GINS3: variants seen among roughly 807,000 people sequenced by gnomAD.
The protein encoded by GINS3 is DNA replication complex GINS protein PSF3.
GINS3 carries 18 observed loss-of-function variants against 20.0 expected under a neutral mutation model. The observed-to-expected ratio is 0.90, with a 90% CI of 0.62 to 1.33. GINS3 has a LOEUF of 1.33. Ranked by LOEUF, GINS3 falls within the 40% of genes most tolerant of loss-of-function variation. The pLI, the probability that GINS3 is intolerant of heterozygous loss-of-function variation, is 0.00. For synonymous variants in GINS3, 109 were observed against 107.0 expected, an observed-to-expected ratio of 1.02 and a Z score of -0.12; for missense variants, 254 against 273.6, an observed-to-expected ratio of 0.93 and a Z score of 0.51.
chr16:58,397,479 G>A (rs558791283), intron 1 of GINS3, among the ~76,000 whole-genome samples: 13 of 151,852 alleles, frequency 8.6e-5, no homozygotes, highest in Non-Finnish European at 1.6e-4. Flanking sequence ...AGGTTGTATC[G>A]AGCCGAGATC....
chr16:58,404,681 C>G lies in GINS3; in HGVS notation c.603C>G (p.Asn201Lys), dbSNP rs777727716. 1 of 1,614,088 alleles carries G rather than the reference C, an allele frequency of 6.2e-7. No individual in the cohort carries two copies. The highest frequency in any genetic ancestry group is 8.5e-7 in the Non-Finnish European group (1 of 1,180,012). Residue 201 changes from asparagine (N) to lysine (K), a missense_variant, in exon 3 of 3, where the codon AAC (asparagine) becomes AAG (lysine). Coordinates refer to ENST00000318129, the MANE Select transcript of GINS3 (RefSeq NM_022770.4). Reference protein sequence around the residue: ...KGQASQITASNLVQNYKKRKF... With the variant: ...KGQASQITASKLVQNYKKRKF... ...AGGCTTCTCAGATCACAGCTTCCAA[C>G]CTCGTTCAGAATTACAAGAAGAGAA...
Position 58,404,507 on chromosome 16 carries a change from C to T in GINS3, c.429C>T (p.Ile143=), listed in dbSNP as rs367750045. The T allele has an allele frequency of 8.1e-6, 13 of 1,613,238 alleles. No homozygotes were observed. The highest frequency in any genetic ancestry group is 1.3e-5 in the African/African-American group (1 of 74,898). ...ACTCCCTTGTTTCCCAGACTTTTAT[C>T]GGACGTTTTCGCCGCATCATGGACT... The part of the protein sequence containing the change: ...DISQSLLQTF[I]GRFRRIMDSS... Residue 143 remains isoleucine (I), a synonymous_variant, in exon 3 of 3, where the codon ATC becomes ATT. Transcript: ENST00000318129.
At chr16:58,399,366 GTTAAT>G (rs1304787936) in intron 1 of GINS3, among the ~76,000 whole-genome samples, 2 of 151,208 alleles carry the variant, frequency 1.3e-5, no homozygotes, top group East Asian at 3.9e-4. Context: ...TTTTACTTCT[GTTAAT>G]TTAGACATAT....
At chr16:58,392,976 C>T (rs1290407630) in intron 1 of GINS3, among the ~76,000 whole-genome samples, 189 bp downstream of exon 1, 2 of 152,250 alleles carry the variant, frequency 1.3e-5, no homozygotes, top group Non-Finnish European at 2.9e-5. Context: ...GGTCTCCAGA[C>T]TTCTTGTTCG....
chr16:58,401,430 T>C (rs1965952785), intron 1 of GINS3, among the ~76,000 whole-genome samples: 1 of 152,188 alleles, frequency 6.6e-6, no homozygotes, highest in South Asian at 2.1e-4. Flanking sequence ...TGCTGGTGGC[T>C]TGGTGGCCTG....
At chr16:58,394,034 A>G (rs991451103) in intron 1 of GINS3, among the ~76,000 whole-genome samples, 2 of 152,098 alleles carry the variant, frequency 1.3e-5, no homozygotes, top group African/African-American at 4.8e-5. Context: ...TGTAGACATT[A>G]TCTGTTGACT....
Position 58,404,350 on chromosome 16 carries a change from CT to C in GINS3, c.421-147del, listed in dbSNP as rs1965998180. Reference sequence around the variant, plus strand: ...AGGCATGGCAATGTGCAATAACTTACTTGGGTGCTAGAGGGAATTCAGACCT... The same window carrying C: ...AGGCATGGCAATGTGCAATAACTTACTGGGTGCTAGAGGGAATTCAGACCT... On this transcript the variant is annotated intron_variant, in intron 2 of 2. Transcript: ENST00000318129. The C allele has an allele frequency of 4.0e-5, 25 of 620,948 alleles. 1 individual carries two copies. In the South Asian group the frequency reaches 4.6e-4, roughly 11 times the overall value. 38.5% of individuals were successfully genotyped at this position (620,948 alleles called of 1,614,324 possible).
chr16:58,393,068 G>A (rs1442093725), intron 1 of GINS3, among the ~76,000 whole-genome samples: 1 of 152,184 alleles, frequency 6.6e-6, no homozygotes, highest in African/African-American at 2.4e-5. Flanking sequence ...GTCCAAATTA[G>A]TGTCTTCCCC....
intron 1 of GINS3, among the ~76,000 whole-genome samples, chr16:58,397,946 T>A (rs1965905449): frequency 6.6e-6 from 1 of 152,236 alleles, no homozygotes; most frequent in Non-Finnish European, 1.5e-5. Flanking sequence ...TCCTTATTTT[T>A]ATTTTTAATA....
intron 1 of GINS3, 54 bp from the exon 2 acceptor site, chr16:58,403,044 A>G (rs1314603941): frequency 1.4e-6 from 2 of 1,422,340 alleles, no homozygotes; most frequent in African/African-American, 2.8e-5. Flanking sequence ...TTCGTCACAC[A>G]CATTTGCTGT....
At chr16:58,397,020 A>ACC (rs574684912) in intron 1 of GINS3, among the ~76,000 whole-genome samples, 2 of 118,910 alleles carry the variant, frequency 1.7e-5, no homozygotes, top group Admixed American at 8.5e-5. Flanking sequence ...CGGGGGGCTG[A>ACC]CCCCCCCACC....
chr16:58,392,595 GGCC>G lies in GINS3; in HGVS notation c.-3_-1del. ...CGAGTGGAAGCGGAGAAGCTCAAGT[GGCC>G]GCCATGTCAGAGGCTTATTTCCGAG... On this transcript the variant is annotated 5_prime_UTR_variant, in exon 1 of 3. Coordinates refer to ENST00000318129, the MANE Select transcript of GINS3 (RefSeq NM_022770.4). The G allele has an allele frequency of 1.9e-6, 3 of 1,613,546 alleles. No individual in the cohort carries two copies. Among genetic ancestry groups the G allele is most frequent in the South Asian group, 2.2e-5 (2 of 91,064 alleles).
rs1303700254 is a variant in GINS3 at position 58,404,500 on chromosome 16, C to T, written c.422C>T (p.Thr141Ile). Residue 141 changes from threonine (T) to isoleucine (I), a missense_variant and splice_region_variant, in exon 3 of 3, where the codon ACT becomes ATT. By Grantham distance (89) the Thr-to-Ile change is moderately conservative. Coordinates refer to ENST00000318129, the MANE Select transcript of GINS3 (RefSeq NM_022770.4). ...TTGTCTTACTCCCTTGTTTCCCAGA[C>T]TTTTATCGGACGTTTTCGCCGCATC... ...NADISQSLLQ[T>I]FIGRFRRIMD... The T allele has an allele frequency of 3.1e-6, 5 of 1,612,948 alleles. No individual in the cohort carries two copies. The highest frequency in any genetic ancestry group is 2.7e-5 in the African/African-American group (2 of 75,026).
chr16:58,395,102 G>A (rs1965831913), intron 1 of GINS3: 2 of 556,454 alleles, frequency 3.6e-6, no homozygotes, highest in South Asian at 2.4e-5. Context: ...TTTGAGACAG[G>A]GTTTTGCTCT....
chr16:58,397,010 C>T (rs1396375457), intron 1 of GINS3, among the ~76,000 whole-genome samples: 12 of 140,224 alleles, frequency 8.6e-5, no homozygotes, highest in East Asian at 2.3e-4. Flanking sequence ...GCTGGCTGGG[C>T]GGGGGGCTGA....
intron 1 of GINS3, among the ~76,000 whole-genome samples, chr16:58,395,752 C>T (rs979320512): frequency 3.0e-4 from 45 of 152,166 alleles, no homozygotes; most frequent in Non-Finnish European, 6.2e-4. Flanking sequence ...GACACAGCAA[C>T]CATCCGATTT....
intron 1 of GINS3, among the ~76,000 whole-genome samples, chr16:58,400,809 C>CTT (rs575818165): frequency 1.2e-3 from 162 of 135,246 alleles, no homozygotes; most frequent in Non-Finnish European, 2.1e-3. Flanking sequence ...AAGAAGTTGG[C>CTT]TTTTTTTTTT....
intron 1 of GINS3, among the ~76,000 whole-genome samples, chr16:58,400,522 C>T (rs1325257275): frequency 6.6e-6 from 1 of 152,234 alleles, no homozygotes; most frequent in Non-Finnish European, 1.5e-5. Flanking sequence ...TTCAGGCACA[C>T]TCTCATCAGT....
Position 58,404,792 on chromosome 16 carries a change from C to A in GINS3, c.*63C>A. The A allele has an allele frequency of 1.7e-6, 2 of 1,175,212 alleles. No individual in the cohort carries two copies. The highest frequency in any genetic ancestry group is 2.5e-6 in the Non-Finnish European group (2 of 803,990). The allele number at this position is 1,175,212 out of a possible 1,614,324, so 72.8% of individuals were successfully genotyped here. On this transcript the variant is annotated 3_prime_UTR_variant, in exon 3 of 3. Transcript: ENST00000318129. ...TCCCTCCGTGTGTCCTTGATAGGAG[C>A]TGGTTGACCTTGTACAGAACCAGAA...
Sources: allele counts gnomAD v4.1 joint callset (sites outside exome capture counted in the v4.1 genomes callset), GRCh38; gene constraint gnomAD v4.1.1; transcripts MANE v1.5; gene names NCBI Gene and HGNC (gene_info 2026-07-23, HGNC 2026-07-21).